Variants in HERC4 observed in about 807,000 individuals in gnomAD.
HERC4 encodes the protein HECT and RLD domain containing E3 ubiquitin protein ligase 4, also known as probable E3 ubiquitin-protein ligase HERC4.
In HERC4, 28 loss-of-function variants were observed where a neutral mutation model predicts 124.3. That is an observed-to-expected ratio of 0.23 (90% CI 0.17 to 0.31). The LOEUF is 0.31. Among genes scored for constraint, HERC4 ranks in the 10% least tolerant of loss-of-function variants. HERC4 has a pLI of 1.00. For synonymous variants in HERC4, 407 were observed against 421.5 expected (o/e 0.97, Z 0.42); for missense variants, 713 against 1,229.3 (o/e 0.58, Z 6.28).
intron 21 of HERC4, among the ~76,000 whole-genome samples, chr10:67,936,934 T>A (rs553641268): frequency 6.6e-6 from 1 of 152,068 alleles, no homozygotes; most frequent in Admixed American, 6.6e-5. Flanking sequence ...ATGTAACATA[T>A]GAAGAACTAA....
intron 5 of HERC4, among the ~76,000 whole-genome samples, chr10:68,035,318 A>G (rs1017697239): frequency 1.3e-5 from 2 of 151,994 alleles, no homozygotes. Context: ...ATGCCTGGCT[A>G]ATTTTTAAAA....
At chr10:67,961,437 AC>A (rs2034512890) in intron 16 of HERC4, 1 of 152,236 alleles carries the variant, frequency 6.6e-6, no homozygotes, top group Non-Finnish European at 1.5e-5. Flanking sequence ...CCTATTTGTC[AC>A]CTTTCATAAG....
At chr10:68,002,018 A>G (rs1011812949) in intron 9 of HERC4, among the ~76,000 whole-genome samples, 11 of 152,290 alleles carry the variant, frequency 7.2e-5, no homozygotes, top group African/African-American at 2.6e-4. Context: ...TGATGAAACT[A>G]AATTGCAGCA....
At chr10:67,937,600 T>TA (rs1359039278) in intron 21 of HERC4, among the ~76,000 whole-genome samples, 1 of 152,116 alleles carries the variant, frequency 6.6e-6, no homozygotes, top group African/African-American at 2.4e-5. Flanking sequence ...TTGTTTTTTT[T>TA]AATTTTATGG....
Position 67,954,954 on chromosome 10 carries a change from T to C in HERC4, c.2193+9A>G, listed in dbSNP as rs1356379600. 1.3e-6 allele frequency: 2 copies of C among 1,583,684 alleles called. No individual in the cohort carries two copies. The highest frequency in any genetic ancestry group is 2.4e-5 in the East Asian group (1 of 42,478). On this transcript the variant is annotated intron_variant, in intron 18 of 24. Coordinates refer to ENST00000373700, the MANE Select transcript of HERC4 (RefSeq NM_015601.4). ...AGTCCCAATTATACCACAGAAAATG[T>C]CAAATTACCTTGAGTGGCTTCTTGT...
intron 15 of HERC4, among the ~76,000 whole-genome samples, chr10:67,981,738 A>T (rs1047782605): frequency 1.3e-5 from 2 of 152,200 alleles, no homozygotes; most frequent in African/African-American, 4.8e-5. Flanking sequence ...CGGGTGGATT[A>T]CTTGAGGCCA....
At chr10:67,927,413 TATATA>T (rs2031184942) in intron 23 of HERC4, among the ~76,000 whole-genome samples, 2 of 12,974 alleles carry the variant, frequency 1.5e-4, no homozygotes, top group African/African-American at 4.0e-4. Flanking sequence ...TATATATATA[TATATA>T]TATATATATA....
chr10:68,026,783 C>T (rs2133284705), intron 7 of HERC4, among the ~76,000 whole-genome samples: 1 of 151,926 alleles, frequency 6.6e-6, no homozygotes, highest in South Asian at 2.1e-4. Context: ...GCAGAGGTTG[C>T]AGTGAGCCGA....
At chr10:68,059,346 G>T (rs2040712873) in intron 3 of HERC4, among the ~76,000 whole-genome samples, 1 of 148,702 alleles carries the variant, frequency 6.7e-6, no homozygotes, top group Non-Finnish European at 1.5e-5. Context: ...CAAGTTTTTT[G>T]TGCTCCTCAG....
Position 67,939,648 on chromosome 10 carries a change from C to A in HERC4, c.2511G>T (p.Met837Ile). ...CTTCTGGATAATCCAGTAACTGTTGCATGCTTCTGCAAAATAATATATATG... is the reference window on the plus strand; with the variant it reads ...CTTCTGGATAATCCAGTAACTGTTGAATGCTTCTGCAAAATAATATATATG... ...KELMPDVGRS[M>I]QQLLDYPEDD... Residue 837 changes from methionine (M) to isoleucine (I), a missense_variant, in exon 21 of 25, where the codon ATG (methionine) becomes ATT (isoleucine). Transcript: ENST00000373700. The A allele has an allele frequency of 6.3e-7, 1 of 1,599,600 alleles. No homozygotes were observed. Among genetic ancestry groups the A allele is most frequent in the African/African-American group, 1.3e-5 (1 of 74,406 alleles).
At chr10:68,069,899 G>T in intron 3 of HERC4, 1 of 400,850 alleles carries the variant, frequency 2.5e-6, no homozygotes, top group Non-Finnish European at 3.4e-6. Context: ...AAAATTACCC[G>T]GGCATGGTGG....
chr10:67,927,768 C>A (rs1387991558), intron 23 of HERC4, among the ~76,000 whole-genome samples: 6 of 152,032 alleles, frequency 3.9e-5, no homozygotes, highest in Non-Finnish European at 5.9e-5. Flanking sequence ...ACTGAATGAA[C>A]ACTTAAATCA....
chr10:67,929,966 C>A (rs1325371189), intron 23 of HERC4, among the ~76,000 whole-genome samples: 1 of 151,912 alleles, frequency 6.6e-6, no homozygotes, highest in Admixed American at 6.6e-5. Flanking sequence ...GGCACCACAC[C>A]CAGCTAATTT....
intron 19 of HERC4, among the ~76,000 whole-genome samples, chr10:67,945,767 A>G (rs1421214628): frequency 6.6e-6 from 1 of 152,090 alleles, no homozygotes; most frequent in Non-Finnish European, 1.5e-5. Context: ...GGTGTTTACA[A>G]TATTGGGTTA....
Position 68,038,074 on chromosome 10 carries a change from A to C in HERC4, c.463+19T>G, listed in dbSNP as rs375266020. The C allele has an allele frequency of 5.2e-5, 71 of 1,357,720 alleles. No individual in the cohort carries two copies. The highest frequency in any genetic ancestry group is 7.0e-5 in the Non-Finnish European group (69 of 989,822). 84.1% of individuals were successfully genotyped at this position (1,357,720 alleles called of 1,614,324 possible). On this transcript the variant is annotated intron_variant, in intron 5 of 24. Transcript: ENST00000373700. The stretch of plus-strand genomic sequence containing the variant: ...AAGTAATAAAACTGAAGAGAAATAA[A>C]ATAAAAACTAATGCTTACCTTTAGA...
Position 68,009,990 on chromosome 10 carries a change from A to T in HERC4, c.1069+4036T>A, listed in dbSNP as rs180760112. On this transcript the variant is annotated intron_variant, in intron 9 of 24. Transcript: ENST00000373700. ...GTCTTCTTCATTTGAGAAAAAAGTG[A>T]TACATGATATGGGGATTAAAATCAA... is the stretch of plus-strand genomic sequence containing the variant. 1.1e-3 allele frequency among the ~76,000 whole-genome samples: 171 copies of T among 152,224 alleles called. 1 individual carries two copies. The highest frequency in any genetic ancestry group is 4.0e-3 in the African/African-American group (166 of 41,534).
chr10:68,015,990 C>G (rs2038242576), intron 8 of HERC4, among the ~76,000 whole-genome samples: 1 of 152,122 alleles, frequency 6.6e-6, no homozygotes, highest in South Asian at 2.1e-4. Flanking sequence ...GTAGTCCCAG[C>G]TACTCAGGAG....
Position 68,016,994 on chromosome 10 carries a change from T to C in HERC4, c.909-2808A>G, listed in dbSNP as rs964628697. Among the ~76,000 whole-genome samples, 4 of 152,244 alleles carry C rather than the reference T, an allele frequency of 2.6e-5. 1 individual carries two copies. The South Asian group carries it at 8.3e-4, about 32-fold the overall frequency. ...AAAATGATTTAAATTCACCACCCTG[T>C]AGTATTAAGCATGCATATTCCCATC... is the stretch of plus-strand genomic sequence containing the variant. On this transcript the variant is annotated intron_variant, in intron 8 of 24. Transcript: ENST00000373700.
chr10:68,009,384 G>T (rs769725733), intron 9 of HERC4, among the ~76,000 whole-genome samples: 1 of 151,832 alleles, frequency 6.6e-6, no homozygotes, highest in Admixed American at 6.6e-5. Flanking sequence ...CAAAGCACTG[G>T]GATTACAGGC....
Sources: gnomAD v4.1 joint callset for allele counts (sites outside exome capture counted in the v4.1 genomes callset) on GRCh38, gnomAD v4.1.1 for gene constraint, MANE v1.5 for transcripts, NCBI Gene and HGNC (gene_info 2026-07-23, HGNC 2026-07-21) for gene names.